MOXD1: variants seen among roughly 807,000 people sequenced by gnomAD.
MOXD1 encodes monooxygenase DBH like 1.
MOXD1 carries 62 observed loss-of-function variants against 66.6 expected under a neutral mutation model. The observed-to-expected ratio is 0.93, with a 90% CI of 0.76 to 1.15. The LOEUF is 1.15. MOXD1 is among the 50% of genes most tolerant of loss of function. MOXD1 has a pLI of 0.00. For synonymous variants in MOXD1, 303 were observed against 281.9 expected, an observed-to-expected ratio of 1.07 and a Z score of -0.75; for missense variants, 847 against 754.6, an observed-to-expected ratio of 1.12 and a Z score of -1.44.
chr6:132,324,043 T>C lies in MOXD1; in HGVS notation c.1001A>G (p.Tyr334Cys). 2 of 1,613,910 alleles carry C rather than the reference T, an allele frequency of 1.2e-6. No homozygotes were observed. Among genetic ancestry groups the C allele is most frequent in the Non-Finnish European group, 1.7e-6 (2 of 1,179,902 alleles). Residue 334 changes from tyrosine (Y) to cysteine (C), a missense_variant, in exon 7 of 12, where the codon TAT becomes TGT. Coordinates refer to ENST00000367963, the MANE Select transcript of MOXD1 (RefSeq NM_015529.4). ...GCCAGCCTCAATCACCCCAGCATCA[T>C]ATTTCCTTATATCCATTGTGTAAAA... ...RLFYTMDIRK[Y>C]DAGVIEAGLW... is the part of the protein sequence containing the mutation.
At chr6:132,339,994 C>T (rs1011304637) in intron 4 of MOXD1, among the ~76,000 whole-genome samples, 1 of 151,732 alleles carries the variant, frequency 6.6e-6, no homozygotes, top group Non-Finnish European at 1.5e-5. Context: ...CTCAGCCTAC[C>T]GAATAGCTGG....
chr6:132,384,241 T>TCTCC (rs1776571409), intron 1 of MOXD1, among the ~76,000 whole-genome samples: 1 of 112,408 alleles, frequency 8.9e-6, no homozygotes, highest in African/African-American at 3.4e-5. Context: ...TCCCTCCCTC[T>TCTCC]CTTCCTTCCT....
intron 1 of MOXD1, among the ~76,000 whole-genome samples, chr6:132,397,662 GAA>G (rs1249420061): frequency 7.2e-6 from 1 of 138,484 alleles, no homozygotes; most frequent in Non-Finnish European, 1.6e-5. Context: ...AAGAAAGAAA[GAA>G]AGAAAGAAAG....
chr6:132,331,563 T>A (rs374469522), intron 4 of MOXD1, among the ~76,000 whole-genome samples: 16 of 152,182 alleles, frequency 1.1e-4, no homozygotes, highest in African/African-American at 2.9e-4. Context: ...AATTTATCCC[T>A]GGAATAATAA....
intron 1 of MOXD1, among the ~76,000 whole-genome samples, chr6:132,396,982 T>A (rs1776895950): frequency 6.6e-6 from 1 of 152,314 alleles, no homozygotes; most frequent in South Asian, 2.1e-4. Flanking sequence ...CTACATTCCC[T>A]CTTGAATCTA....
chr6:132,314,890 G>A (rs1774907508), intron 10 of MOXD1, among the ~76,000 whole-genome samples: 1 of 152,058 alleles, frequency 6.6e-6, no homozygotes, highest in African/African-American at 2.4e-5. Flanking sequence ...ATCTTAAATA[G>A]CTCCTATAAT....
intron 4 of MOXD1, among the ~76,000 whole-genome samples, chr6:132,364,565 T>C (rs1432688240): frequency 6.6e-6 from 1 of 152,188 alleles, no homozygotes; most frequent in Non-Finnish European, 1.5e-5. Context: ...ACACAACTGC[T>C]AACTACCTCC....
chr6:132,389,408 C>A (rs573881200), intron 1 of MOXD1, among the ~76,000 whole-genome samples: 18 of 151,476 alleles, frequency 1.2e-4, no homozygotes, highest in Non-Finnish European at 2.2e-4. Flanking sequence ...CCTATGTCTG[C>A]AATTTTCCAT....
intron 7 of MOXD1, 139 bp from the exon 8 acceptor site, chr6:132,323,009 T>A: frequency 1.3e-6 from 1 of 783,398 alleles, no homozygotes; most frequent in Non-Finnish European, 1.9e-6. Flanking sequence ...AAAAAGAGTT[T>A]GAATTCGGAT....
chr6:132,382,309 A>G (rs78899166), intron 1 of MOXD1, among the ~76,000 whole-genome samples: 7,577 of 152,170 alleles, frequency 0.05, 216 homozygotes, highest in Middle Eastern at 0.099. Flanking sequence ...TTAAAATGTA[A>G]ATATAAAAGC....
Position 132,319,732 on chromosome 6 carries a change from G to GA in MOXD1, c.1365+896dup, listed in dbSNP as rs199561006. Among the ~76,000 whole-genome samples the GA allele has an allele frequency of 4.8e-3, 684 of 141,978 alleles. 5 individuals are homozygous for GA. Among genetic ancestry groups the GA allele is most frequent in the African/African-American group, 0.015 (594 of 38,924 alleles). 93.1% of individuals were successfully genotyped at this position (141,978 alleles called of 152,430 possible). ...AATACCCTTATATTCTTCCTAACTT[G>GA]AAAAAAAAAACGGTATTTCATTTAA... On this transcript the variant is annotated intron_variant, in intron 9 of 11. Transcript: ENST00000367963.
At chr6:132,383,217 A>C (rs1031175658) in intron 1 of MOXD1, among the ~76,000 whole-genome samples, 1 of 152,230 alleles carries the variant, frequency 6.6e-6, no homozygotes, top group Non-Finnish European at 1.5e-5. Flanking sequence ...TAGTATAATA[A>C]TAAATATTTT....
At position 132,300,970 on chromosome 6, in the gene MOXD1, C is replaced by T. The variant is rs1774521117; in HGVS notation, c.1509-3015G>A. 2.6e-5 allele frequency among the ~76,000 whole-genome samples: 4 copies of T among 152,070 alleles called. No homozygotes were observed. In the South Asian group the frequency reaches 8.3e-4, roughly 32 times the overall value. ...TATCCTACACACTTCCAAATTATTT[C>T]CTAGAGAAAAGAGCAGACAGAAAAA... is the stretch of plus-strand genomic sequence containing the variant. On this transcript the variant is annotated intron_variant, in intron 10 of 11. Coordinates refer to ENST00000367963, the MANE Select transcript of MOXD1 (RefSeq NM_015529.4).
rs769309645 is a variant in MOXD1, at chr6:132,372,913, T to C, written c.496A>G (p.Thr166Ala). The change falls in exon 3 of 12, where the codon ACC becomes GCC. Residue 166 changes from threonine (T) to alanine (A), a missense_variant. By Grantham distance (58) the Thr-to-Ala change is moderately conservative. Transcript: ENST00000367963. ...GGATTCAATAACCGCAAACTCTTGG[T>C]GCCCCTATTGGAGTCATGGTACTTG... is the stretch of plus-strand genomic sequence containing the variant. ...GPKYHDSNRG[T>A]KSLRLLNPEK... The C allele has an allele frequency of 4.3e-6, 7 of 1,613,908 alleles. No individual in the cohort carries two copies. In the African/African-American group the frequency reaches 8.0e-5, roughly 18 times the overall value.
rs1307450569 is a variant in MOXD1 at position 132,401,418 on chromosome 6, G to A, written c.9C>T (p.Cys3=). The stretch of plus-strand genomic sequence containing the variant: ...GCCCCCACAGCAGGAGCAGCGGCCA[G>A]CAGCACATCCTCGGGCGCCTCCTGC... The part of the protein sequence containing the change: MC[C]WPLLLLWGLL... The change falls in exon 1 of 12, where the codon TGC becomes TGT. Residue 3 remains cysteine (C), a synonymous_variant. Coordinates refer to ENST00000367963, the MANE Select transcript of MOXD1 (RefSeq NM_015529.4). 4.0e-6 allele frequency: 6 copies of A among 1,504,126 alleles called. No homozygotes were observed. Among genetic ancestry groups the A allele is most frequent in the Non-Finnish European group, 4.4e-6 (5 of 1,132,794 alleles). 93.2% of individuals were successfully genotyped at this position (1,504,126 alleles called of 1,614,324 possible).
At chr6:132,374,303 C>G (rs560838819) in intron 2 of MOXD1, among the ~76,000 whole-genome samples, 1 of 151,992 alleles carries the variant, frequency 6.6e-6, no homozygotes, top group Non-Finnish European at 1.5e-5. Context: ...TAATACATTT[C>G]TTCAAACATT....
At chr6:132,341,578 C>A (rs1313442787) in intron 4 of MOXD1, among the ~76,000 whole-genome samples, 1 of 152,190 alleles carries the variant, frequency 6.6e-6, no homozygotes, top group African/African-American at 2.4e-5. Context: ...AAAGTCAGTA[C>A]TTCTTTTTCT....
chr6:132,335,322 G>A (rs894297756), intron 4 of MOXD1, among the ~76,000 whole-genome samples: 3 of 151,608 alleles, frequency 2.0e-5, no homozygotes, highest in African/African-American at 4.9e-5. Flanking sequence ...GTTGAACAGC[G>A]TCTCCTGAAA....
At chr6:132,393,787 A>T (rs762551611) in intron 1 of MOXD1, among the ~76,000 whole-genome samples, 1 of 152,046 alleles carries the variant, frequency 6.6e-6, no homozygotes, top group Non-Finnish European at 1.5e-5. Flanking sequence ...GACACTCATC[A>T]CCCACAGACA....
Sources: gnomAD v4.1 joint callset for allele counts (sites outside exome capture counted in the v4.1 genomes callset) on GRCh38, gnomAD v4.1.1 for gene constraint, MANE v1.5 for transcripts, NCBI Gene and HGNC (gene_info 2026-07-23, HGNC 2026-07-21) for gene names.